XIRP2: variants seen among roughly 807,000 people sequenced by gnomAD.
XIRP2 encodes xin actin binding repeat containing 2.
A neutral mutation model predicts 277.0 loss-of-function variants in XIRP2; 236 were observed. That is an observed-to-expected ratio of 0.85 (90% CI 0.77 to 0.95). The LOEUF is 0.95. Ranked by LOEUF, XIRP2 falls within the 40% of genes least tolerant of loss-of-function variation. XIRP2 has a pLI of 0.00. For missense variants in XIRP2, 4,640 were observed against 4,157.5 expected (o/e 1.12, Z -3.19); for synonymous variants, 1,490 against 1,416.5 (o/e 1.05, Z -1.17).
At chr2:167,077,369 C>A (rs1574230213) in intron 2 of XIRP2, among the ~76,000 whole-genome samples, 1 of 151,754 alleles carries the variant, frequency 6.6e-6, no homozygotes, top group Middle Eastern at 3.4e-3. Context: ...GTCATTTATT[C>A]AACAAATAAT....
intron 4 of XIRP2, among the ~76,000 whole-genome samples, chr2:167,215,384 C>T (rs925059275): frequency 6.6e-6 from 1 of 152,098 alleles, no homozygotes; most frequent in Non-Finnish European, 1.5e-5. Context: ...TTTGATAGTC[C>T]ACATAAATGA....
intron 3 of XIRP2, among the ~76,000 whole-genome samples, chr2:167,164,445 CAAAAAAAAA>C (rs36066566): frequency 2.1e-5 from 1 of 46,642 alleles, no homozygotes; most frequent in Non-Finnish European, 4.2e-5. Context: ...GACTCCGTCT[CAAAAAAAAA>C]AAAAAAAAAA....
At chr2:166,944,015 G>A (rs185978781) in intron 2 of XIRP2, among the ~76,000 whole-genome samples, 2 of 152,280 alleles carry the variant, frequency 1.3e-5, no homozygotes, top group African/African-American at 4.8e-5. Flanking sequence ...AGTGAAATAT[G>A]GATGCTGGCA....
chr2:167,055,412 G>A (rs1052298214), intron 2 of XIRP2, among the ~76,000 whole-genome samples: 8 of 152,066 alleles, frequency 5.3e-5, no homozygotes, highest in Non-Finnish European at 8.8e-5. Flanking sequence ...AATGAAGAAG[G>A]CAATTCCTTA....
intron 3 of XIRP2, among the ~76,000 whole-genome samples, chr2:167,141,796 G>A (rs374262884): frequency 3.3e-5 from 5 of 152,238 alleles, no homozygotes; most frequent in African/African-American, 1.2e-4. Flanking sequence ...TGGAGTTCAA[G>A]GTTACAGTTA....
Position 167,257,721 on chromosome 2 carries a change from G to T in XIRP2, c.*40-136G>T, listed in dbSNP as rs530933209. The stretch of plus-strand genomic sequence containing the variant: ...GGTGGTAATATTATCTAACAGAAAT[G>T]TTCAACTAATAGGGCCATTCCCATT... On this transcript the variant is annotated intron_variant, in intron 10 of 10. Coordinates refer to ENST00000409195, the MANE Select transcript of XIRP2 (RefSeq NM_152381.6). 3.6e-3 allele frequency: 2,803 copies of T among 776,692 alleles called. 3 individuals are homozygous for T. Among genetic ancestry groups the T allele is most frequent in the Middle Eastern group, 5.4e-3 (14 of 2,584 alleles). The allele number at this position is 776,692 out of a possible 1,614,324, so 48.1% of individuals were successfully genotyped here.
chr2:167,024,590 T>C (rs1688094358), intron 2 of XIRP2, among the ~76,000 whole-genome samples: 1 of 152,162 alleles, frequency 6.6e-6, no homozygotes. Context: ...GGCTGTGGGT[T>C]TGTCATAGAT....
intron 2 of XIRP2, among the ~76,000 whole-genome samples, chr2:167,070,209 C>T (rs537032401): frequency 2.0e-5 from 3 of 151,996 alleles, no homozygotes; most frequent in Admixed American, 6.6e-5. Context: ...GGGCCCAAGT[C>T]TTCCTTGTAT....
chr2:167,156,153 G>A (rs571786168), intron 3 of XIRP2, among the ~76,000 whole-genome samples: 32 of 151,914 alleles, frequency 2.1e-4, no homozygotes, highest in Admixed American at 5.2e-4. Context: ...AATCAATATC[G>A]TGAAAATGGC....
chr2:166,957,001 T>G (rs1229145740), intron 2 of XIRP2, among the ~76,000 whole-genome samples: 1 of 151,906 alleles, frequency 6.6e-6, no homozygotes, highest in African/African-American at 2.4e-5. Flanking sequence ...AATTTTGCTT[T>G]ATTATATCAT....
chr2:166,959,898 A>G (rs943123202), intron 2 of XIRP2, among the ~76,000 whole-genome samples: 7 of 151,750 alleles, frequency 4.6e-5, no homozygotes, highest in Admixed American at 2.6e-4. Context: ...CAATCACTTT[A>G]AGGAAATGGA....
intron 2 of XIRP2, among the ~76,000 whole-genome samples, chr2:167,009,307 T>C (rs1411713471): frequency 2.7e-5 from 4 of 148,764 alleles, no homozygotes; most frequent in African/African-American, 7.4e-5. Flanking sequence ...AGTGAGAATA[T>C]GTGGTGTTTG....
intron 3 of XIRP2, among the ~76,000 whole-genome samples, chr2:167,166,815 A>C (rs572231484): frequency 6.6e-6 from 1 of 152,306 alleles, no homozygotes; most frequent in African/African-American, 2.4e-5. Context: ...ACTGGGGATT[A>C]CATCTCAACA....
chr2:167,088,342 C>A (rs1690026137), intron 2 of XIRP2, among the ~76,000 whole-genome samples: 1 of 152,076 alleles, frequency 6.6e-6, no homozygotes, highest in Admixed American at 6.5e-5. Context: ...CCATTCCCTG[C>A]ATTTCTGACT....
chr2:167,252,101 T>C (rs1695529205), intron 9 of XIRP2, 154 bp downstream of exon 9: 1 of 1,202,034 alleles, frequency 8.3e-7, no homozygotes. Context: ...AGACTCTTTA[T>C]ATGCTTGCTT....
chr2:167,119,301 G>A (rs1690985295), intron 2 of XIRP2, among the ~76,000 whole-genome samples: 1 of 152,136 alleles, frequency 6.6e-6, no homozygotes, highest in African/African-American at 2.4e-5. Context: ...CAGAAACTTA[G>A]AAGAATTATA....
chr2:167,118,531 A>AAATAAAATAG (rs1366050055), intron 2 of XIRP2, among the ~76,000 whole-genome samples: 1 of 149,574 alleles, frequency 6.7e-6, no homozygotes, highest in Non-Finnish European at 1.5e-5. Context: ...AAATAAAATA[A>AAATAAAATAG]AATAGCTTGA....
intron 2 of XIRP2, among the ~76,000 whole-genome samples, chr2:167,047,981 G>C (rs979004688): frequency 4.0e-5 from 6 of 151,818 alleles, no homozygotes; most frequent in African/African-American, 9.7e-5. Context: ...CACAATGATA[G>C]AGTCAAAACT....
At chr2:166,968,399 C>T (rs562067650) in intron 2 of XIRP2, among the ~76,000 whole-genome samples, 51 of 151,966 alleles carry the variant, frequency 3.4e-4, no homozygotes, top group African/African-American at 7.5e-4. Context: ...AAAACCCATA[C>T]GGAGAACAGA....
Sources: allele counts gnomAD v4.1 joint callset (sites outside exome capture counted in the v4.1 genomes callset), GRCh38; gene constraint gnomAD v4.1.1; transcripts MANE v1.5; gene names NCBI Gene and HGNC (gene_info 2026-07-23, HGNC 2026-07-21).